Variants in EPB41L2 observed in about 807,000 individuals in gnomAD.
EPB41L2 encodes the protein erythrocyte membrane protein band 4.1 like 2.
In EPB41L2, 43 loss-of-function variants were observed where a neutral mutation model predicts 113.0. The observed-to-expected ratio is 0.38, with a 90% CI of 0.30 to 0.49. The LOEUF (loss-of-function observed/expected upper bound fraction) is 0.49. EPB41L2 is among the 20% of genes least tolerant of loss of function. EPB41L2 has a pLI of 0.95. For missense variants in EPB41L2, 1,147 were observed against 1,223.4 expected, an observed-to-expected ratio of 0.94 and a Z score of 0.93; for synonymous variants, 442 against 436.7, an observed-to-expected ratio of 1.01 and a Z score of -0.15.
In EPB41L2 at chr6:130,904,579, C is replaced by G. The variant is rs1193515042; in HGVS notation, c.854-39G>C. ...ATATCACAGTTATGCACCCAATTAA[C>G]AGAAGAATGACTATTGTGATAAAAT... On this transcript the variant is annotated intron_variant, in intron 5 of 19. Coordinates refer to ENST00000337057, the MANE Select transcript of EPB41L2 (RefSeq NM_001431.4). The G allele has an allele frequency of 2.3e-6, 3 of 1,331,602 alleles. No individual in the cohort carries two copies. In the African/African-American group the frequency reaches 4.3e-5, roughly 19 times the overall value. The allele number at this position is 1,331,602 out of a possible 1,614,324, so 82.5% of individuals were successfully genotyped here.
intron 1 of EPB41L2, among the ~76,000 whole-genome samples, chr6:130,979,492 C>T: frequency 4.7e-5 from 4 of 85,306 alleles, no homozygotes; most frequent in South Asian, 8.4e-4. Flanking sequence ...GAGACTCTGT[C>T]AAAAAAAAAA....
chr6:130,905,501 C>T (rs953214204), intron 5 of EPB41L2, among the ~76,000 whole-genome samples: 19 of 151,764 alleles, frequency 1.3e-4, no homozygotes, highest in Non-Finnish European at 2.5e-4. Flanking sequence ...TCACTGCAAC[C>T]TCAACGTCCC....
At chr6:130,915,322 T>C (rs1332211151) in intron 4 of EPB41L2, among the ~76,000 whole-genome samples, 1 of 152,186 alleles carries the variant, frequency 6.6e-6, no homozygotes, top group African/African-American at 2.4e-5. Flanking sequence ...GAATATCAAG[T>C]ATTGTTAAAT....
intron 4 of EPB41L2, among the ~76,000 whole-genome samples, chr6:130,924,594 C>T (rs576679090): frequency 1.3e-5 from 2 of 152,142 alleles, no homozygotes; most frequent in East Asian, 3.9e-4. Flanking sequence ...GTTGGCCAGG[C>T]TGATCTCGAG....
intron 11 of EPB41L2, among the ~76,000 whole-genome samples, chr6:130,888,898 C>A (rs1324346471): frequency 6.6e-6 from 1 of 152,156 alleles, no homozygotes; most frequent in Non-Finnish European, 1.5e-5. Context: ...ATACCAAAAT[C>A]CCAACCAACA....
intron 1 of EPB41L2, among the ~76,000 whole-genome samples, chr6:131,016,020 G>A (rs1315475654): frequency 2.0e-5 from 3 of 152,192 alleles, no homozygotes; most frequent in African/African-American, 7.2e-5. Context: ...ATAGGTTCCA[G>A]CTATGAATCG....
chr6:130,941,467 A>C (rs2128587242), intron 3 of EPB41L2, among the ~76,000 whole-genome samples: 1 of 152,322 alleles, frequency 6.6e-6, no homozygotes, highest in African/African-American at 2.4e-5. Context: ...TTCCATGAAA[A>C]CTTATTTCAA....
intron 6 of EPB41L2, 133 bp from the exon 7 acceptor site, chr6:130,901,313 A>C: frequency 1.4e-6 from 1 of 700,238 alleles, no homozygotes. Flanking sequence ...AAACAGCAAA[A>C]ATCATCTTCT....
intron 1 of EPB41L2, among the ~76,000 whole-genome samples, chr6:130,991,835 T>C (rs1781942432): frequency 6.6e-6 from 1 of 152,054 alleles, no homozygotes; most frequent in Non-Finnish European, 1.5e-5. Flanking sequence ...AGAAGAAAAA[T>C]ATAAAAAAAT....
intron 3 of EPB41L2, among the ~76,000 whole-genome samples, chr6:130,938,607 A>T (rs543351571): frequency 6.6e-6 from 1 of 152,188 alleles, no homozygotes; most frequent in Non-Finnish European, 1.5e-5. Context: ...AAAAGGCTGT[A>T]CTACTGGTAG....
chr6:130,997,477 C>T (rs1474437763), intron 1 of EPB41L2, among the ~76,000 whole-genome samples: 4 of 152,086 alleles, frequency 2.6e-5, no homozygotes, highest in Admixed American at 6.6e-5. Flanking sequence ...CACAGAGCTA[C>T]GAAGGGATCA....
chr6:130,906,669 T>G (rs1797819575), intron 5 of EPB41L2, among the ~76,000 whole-genome samples: 1 of 152,182 alleles, frequency 6.6e-6, no homozygotes, highest in Non-Finnish European at 1.5e-5. Context: ...AATCATTAAG[T>G]TGTTGGTTGT....
chr6:130,879,618 T>C (rs1167434266), intron 13 of EPB41L2, among the ~76,000 whole-genome samples: 1 of 152,234 alleles, frequency 6.6e-6, no homozygotes, highest in East Asian at 1.9e-4. Context: ...GCTTGTTCTT[T>C]CTAATTAAAA....
chr6:130,862,297 GGA>G (rs3836922), intron 18 of EPB41L2, among the ~76,000 whole-genome samples: 36,663 of 151,928 alleles, frequency 0.24, 5,411 homozygotes, highest in African/African-American at 0.4. Flanking sequence ...GGTTCAATGG[GGA>G]GAGGGGGGTG....
intron 3 of EPB41L2, among the ~76,000 whole-genome samples, chr6:130,948,627 C>G (rs1219915861): frequency 6.6e-6 from 1 of 151,894 alleles, no homozygotes; most frequent in Non-Finnish European, 1.5e-5. Context: ...AGTTTAAAGA[C>G]AGAATTCTCA....
chr6:130,988,238 A>G (rs575277030), intron 1 of EPB41L2, among the ~76,000 whole-genome samples: 85 of 152,372 alleles, frequency 5.6e-4, no homozygotes, highest in Non-Finnish European at 1.2e-3. Flanking sequence ...ATAGCAGATA[A>G]AGAAGAATAA....
chr6:130,857,154 A>G (rs1215352593), intron 19 of EPB41L2, among the ~76,000 whole-genome samples: 2 of 152,214 alleles, frequency 1.3e-5, no homozygotes, highest in Non-Finnish European at 2.9e-5. Flanking sequence ...TTACTAATTT[A>G]TACAGCAGTA....
intron 1 of EPB41L2, among the ~76,000 whole-genome samples, chr6:131,002,782 C>T (rs1327387971): frequency 6.6e-6 from 1 of 152,208 alleles, no homozygotes; most frequent in Non-Finnish European, 1.5e-5. Context: ...TTTCAAACTT[C>T]TTCCAATCGC....
chr6:130,866,770 T>C (rs540101784), intron 16 of EPB41L2, among the ~76,000 whole-genome samples: 1 of 152,242 alleles, frequency 6.6e-6, no homozygotes, highest in African/African-American at 2.4e-5. Flanking sequence ...ATGCTTTATC[T>C]TTTTTTGTTA....
Sources: allele counts gnomAD v4.1 joint callset (sites outside exome capture counted in the v4.1 genomes callset), GRCh38; gene constraint gnomAD v4.1.1; transcripts MANE v1.5; gene names NCBI Gene and HGNC (gene_info 2026-07-23, HGNC 2026-07-21).